Variants in ERGIC2 observed in about 807,000 individuals in gnomAD.
ERGIC2 encodes the protein endoplasmic reticulum-Golgi intermediate compartment protein 2.
ERGIC2 carries 31 observed loss-of-function variants against 52.5 expected under a neutral mutation model. That is an observed-to-expected ratio of 0.59 (90% CI 0.44 to 0.80). ERGIC2 has a LOEUF of 0.80. Ranked by LOEUF, ERGIC2 falls within the 30% of genes least tolerant of loss-of-function variation. The pLI, the probability that ERGIC2 is intolerant of heterozygous loss-of-function variation, is 0.00. For missense variants in ERGIC2, 395 were observed against 455.2 expected (o/e 0.87, Z 1.20); for synonymous variants, 129 against 140.6 (o/e 0.92, Z 0.58).
intron 10 of ERGIC2, 83 bp downstream of exon 10, chr12:29,348,996 A>G: frequency 1.5e-6 from 1 of 657,098 alleles, no homozygotes; most frequent in South Asian, 1.9e-5. Context: ...AGTAGTTAGG[A>G]AGACATTAAA....
intron 5 of ERGIC2, among the ~76,000 whole-genome samples, chr12:29,363,999 C>A (rs1028570446): frequency 3.9e-5 from 6 of 152,068 alleles, no homozygotes; most frequent in African/African-American, 1.4e-4. Flanking sequence ...CCTTTATTAT[C>A]ATCTTAAATC....
intron 6 of ERGIC2, among the ~76,000 whole-genome samples, chr12:29,359,869 G>A (rs1417672289): frequency 4.0e-5 from 6 of 151,856 alleles, no homozygotes; most frequent in Non-Finnish European, 8.8e-5. Context: ...ATATGGGGGT[G>A]GGAGACGGAA....
In ERGIC2 at chr12:29,340,627, A is replaced by C; in HGVS notation, c.*529T>G. 1 of 221,470 alleles carries C rather than the reference A, an allele frequency of 4.5e-6. No homozygotes were observed. The allele number at this position is 221,470 out of a possible 1,614,324, so 13.7% of individuals were successfully genotyped here. ...CTTGTCAATATGGCTTAACATTAAT[A>C]TGGCTATAACATAGGGACTAGCCCG... On this transcript the variant is annotated 3_prime_UTR_variant, in exon 14 of 14. Coordinates refer to ENST00000360150, the MANE Select transcript of ERGIC2 (RefSeq NM_016570.3).
At chr12:29,370,355 T>C (rs1940424446) in intron 2 of ERGIC2, 133 bp from the exon 3 acceptor site, 1 of 995,580 alleles carries the variant, frequency 1.0e-6, no homozygotes, top group Non-Finnish European at 1.4e-6. Flanking sequence ...GAATGCATAC[T>C]ATAGAAGGTT....
chr12:29,350,875 C>T (rs931982766), intron 8 of ERGIC2, among the ~76,000 whole-genome samples: 3 of 152,104 alleles, frequency 2.0e-5, no homozygotes. Flanking sequence ...AAAGAAACCA[C>T]TCAAAATCAC....
chr12:29,347,476 C>A (rs903916013), intron 10 of ERGIC2, among the ~76,000 whole-genome samples: 1 of 152,112 alleles, frequency 6.6e-6, no homozygotes, highest in African/African-American at 2.4e-5. Flanking sequence ...AATACCACAG[C>A]CTCTTCCATG....
chr12:29,374,004 G>C (rs1940479915), intron 1 of ERGIC2, among the ~76,000 whole-genome samples: 1 of 151,998 alleles, frequency 6.6e-6, no homozygotes, highest in South Asian at 2.1e-4. Context: ...TTTCTGATTT[G>C]AGTAAAATAT....
chr12:29,356,573 A>AT, intron 7 of ERGIC2, 96 bp from the exon 8 acceptor site: 1 of 611,946 alleles, frequency 1.6e-6, no homozygotes, highest in Admixed American at 2.7e-5. Flanking sequence ...CCTAAAGATC[A>AT]TTTTTTAGGT....
chr12:29,372,152 G>A (rs1216058028), intron 1 of ERGIC2, among the ~76,000 whole-genome samples: 1 of 151,922 alleles, frequency 6.6e-6, no homozygotes, highest in East Asian at 1.9e-4. Flanking sequence ...AACCAGTCTG[G>A]CCAACATGGG....
rs890939459 is a variant in ERGIC2, at chr12:29,337,848, G to A, written c.*3308C>T. 2 of 152,032 alleles carry A rather than the reference G, an allele frequency of 1.3e-5. No individual in the cohort carries two copies. Among genetic ancestry groups the A allele is most frequent in the Admixed American group, 1.3e-4 (2 of 15,246 alleles). 9.4% of individuals were successfully genotyped at this position (152,032 alleles called of 1,614,324 possible). ...GAATTACTAACTCAGGACATAGATG[G>A]AATGCACAGTGTATCTCTCTTACAC... On this transcript the variant is annotated 3_prime_UTR_variant, in exon 14 of 14. Coordinates refer to ENST00000360150, the MANE Select transcript of ERGIC2 (RefSeq NM_016570.3).
chr12:29,368,270 A>G lies in ERGIC2; in HGVS notation c.233T>C (p.Ile78Thr), dbSNP rs754678367. The change falls in exon 4 of 14, where the codon ATA becomes ACA. Residue 78 changes from isoleucine (I) to threonine (T), a missense_variant. Ile to Thr is a moderately conservative substitution (Grantham distance 89). Transcript: ENST00000360150. ...ACACTTCATGGCAACAGTAATATCT[A>G]TATTAATTCTTAATTTGCTGAAAGA... The part of the protein sequence containing the change: ...KDFSSKLRIN[I>T]DITVAMKCQY... The G allele has an allele frequency of 6.4e-6, 10 of 1,550,470 alleles. No homozygotes were observed. The highest frequency in any genetic ancestry group is 1.4e-5 in the African/African-American group (1 of 73,712).
chr12:29,368,758 G>C (rs925708683), intron 3 of ERGIC2, among the ~76,000 whole-genome samples: 9 of 151,800 alleles, frequency 5.9e-5, no homozygotes, highest in African/African-American at 2.2e-4. Flanking sequence ...TAAATGGATG[G>C]CTTCACAGAT....
At chr12:29,347,206 G>C (rs972083940) in intron 10 of ERGIC2, among the ~76,000 whole-genome samples, 2 of 152,188 alleles carry the variant, frequency 1.3e-5, no homozygotes, top group Non-Finnish European at 2.9e-5. Context: ...CACTCAATTA[G>C]ATAGTATAGG....
chr12:29,366,998 C>T (rs759834402), intron 4 of ERGIC2, 51 bp from the exon 5 acceptor site: 2 of 1,150,178 alleles, frequency 1.7e-6, no homozygotes, highest in Admixed American at 2.1e-5. Context: ...TGGAGGCAAA[C>T]CATCCCCAAT....
Position 29,345,537 on chromosome 12 carries a change from T to G in ERGIC2, c.731A>C (p.Asn244Thr). 2 of 1,548,310 alleles carry G rather than the reference T, an allele frequency of 1.3e-6. No individual in the cohort carries two copies. Among genetic ancestry groups the G allele is most frequent in the Non-Finnish European group, 1.8e-6 (2 of 1,124,696 alleles). ...TGTAATAAAATATTGGAACATCTGG[T>G]TGTCTAGAATACAAAAAAAACTTTT... ...DGTEKIAIDH[N>T]QMFQYFITVV... The change falls in exon 11 of 14, where the codon AAC (asparagine) becomes ACC (threonine). Residue 244 changes from asparagine (N) to threonine (T), a missense_variant. Coordinates refer to ENST00000360150, the MANE Select transcript of ERGIC2 (RefSeq NM_016570.3).
chr12:29,360,044 T>G (rs1261534676), intron 6 of ERGIC2, among the ~76,000 whole-genome samples: 1 of 151,990 alleles, frequency 6.6e-6, no homozygotes, highest in Non-Finnish European at 1.5e-5. Flanking sequence ...AAAAGCATAG[T>G]ACCAATTTTC....
intron 11 of ERGIC2, 82 bp downstream of exon 11, chr12:29,345,361 C>A: frequency 1.3e-6 from 1 of 741,638 alleles, no homozygotes; most frequent in Non-Finnish European, 2.3e-6. Flanking sequence ...AGTAAAACAC[C>A]ACCTTATTTT....
In ERGIC2 at chr12:29,341,187, T is replaced by C; in HGVS notation, c.1103A>G (p.His368Arg). 1 of 1,610,092 alleles carries C rather than the reference T, an allele frequency of 6.2e-7. No homozygotes were observed. Among genetic ancestry groups the C allele is most frequent in the Non-Finnish European group, 8.5e-7 (1 of 1,177,728 alleles). The change falls in exon 14 of 14, where the codon CAC (histidine) becomes CGC (arginine). Residue 368 changes from histidine (H) to arginine (R), a missense_variant. By Grantham distance (29) the His-to-Arg change is conservative. Transcript: ENST00000360150. ...TGTATTATTTTCTAAAAGAGGTAAGTGGTTGTCTGTGTGGCCATCCTCAAA... is the reference window on the plus strand; with the variant it reads ...TGTATTATTTTCTAAAAGAGGTAAGCGGTTGTCTGTGTGGCCATCCTCAAA... ...VPFEDGHTDN[H>R]LPLLENNTH
chr12:29,363,469 A>G (rs768888612), intron 5 of ERGIC2, among the ~76,000 whole-genome samples: 1 of 151,894 alleles, frequency 6.6e-6, no homozygotes. Context: ...AGTTTCCTAA[A>G]AGCATGGTTA....
Sources: gnomAD v4.1 joint callset for allele counts (sites outside exome capture counted in the v4.1 genomes callset) on GRCh38, gnomAD v4.1.1 for gene constraint, MANE v1.5 for transcripts, NCBI Gene and HGNC (gene_info 2026-07-23, HGNC 2026-07-21) for gene names.